PRR16: variants seen among roughly 807,000 people sequenced by gnomAD.
PRR16 encodes the protein proline rich 16, also known as protein Largen.
PRR16 carries 6 observed loss-of-function variants against 18.2 expected under a neutral mutation model. That is an observed-to-expected ratio of 0.33 (90% CI 0.18 to 0.65). The LOEUF (loss-of-function observed/expected upper bound fraction) is 0.65. Ranked by LOEUF, PRR16 falls within the 30% of genes least tolerant of loss-of-function variation. The pLI, the probability that PRR16 is intolerant of heterozygous loss-of-function variation, is 0.74. For synonymous variants in PRR16, 151 were observed against 147.8 expected, an observed-to-expected ratio of 1.02 and a Z score of -0.16; for missense variants, 412 against 376.6, an observed-to-expected ratio of 1.09 and a Z score of -0.78.
intron 1 of PRR16, among the ~76,000 whole-genome samples, chr5:120,634,376 G>T (rs1121237): frequency 6.6e-6 from 1 of 152,174 alleles, no homozygotes; most frequent in Non-Finnish European, 1.5e-5. Context: ...GGGCATGGTG[G>T]TTCATGCTGG....
At chr5:120,673,601 A>G (rs1018380533) in intron 1 of PRR16, among the ~76,000 whole-genome samples, 5 of 152,134 alleles carry the variant, frequency 3.3e-5, no homozygotes, top group Non-Finnish European at 5.9e-5. Context: ...TGGGCTGTCT[A>G]TATACTATCT....
chr5:120,767,092 CAG>C, the PRR16 span, among the ~76,000 whole-genome samples: 1 of 151,892 alleles, frequency 6.6e-6, no homozygotes, highest in Non-Finnish European at 1.5e-5. Context: ...ATTTTGGGAA[CAG>C]ATGGTCACAA....
At chr5:120,465,047 C>A (rs891533714) in intron 1 of PRR16, among the ~76,000 whole-genome samples, 1 of 152,094 alleles carries the variant, frequency 6.6e-6, no homozygotes, top group African/African-American at 2.4e-5. Flanking sequence ...TTGGCAAGTC[C>A]GCTGCCTATC....
At chr5:120,576,510 G>A (rs576097353) in intron 1 of PRR16, among the ~76,000 whole-genome samples, 1 of 152,122 alleles carries the variant, frequency 6.6e-6, no homozygotes, top group African/African-American at 2.4e-5. Flanking sequence ...TAAAATTAAA[G>A]ATAACAGGTG....
At chr5:120,472,070 A>G (rs1046156057) in intron 1 of PRR16, among the ~76,000 whole-genome samples, 2 of 152,130 alleles carry the variant, frequency 1.3e-5, no homozygotes, top group Admixed American at 6.6e-5. Context: ...CTACTTTGCA[A>G]ATGCTGCTTC....
intron 1 of PRR16, among the ~76,000 whole-genome samples, chr5:120,613,953 A>G (rs567913638): frequency 6.6e-6 from 1 of 152,310 alleles, no homozygotes; most frequent in Non-Finnish European, 1.5e-5. Context: ...CTCTGAAGGA[A>G]CTTTTAATGT....
At chr5:120,763,923 A>T in the PRR16 span, among the ~76,000 whole-genome samples, 24 of 152,080 alleles carry the variant, frequency 1.6e-4, no homozygotes, top group Admixed American at 1.6e-3. Flanking sequence ...CTGAGACTTT[A>T]CTGAATTTGC....
At chr5:120,697,665 G>A in the PRR16 span, among the ~76,000 whole-genome samples, 1 of 152,108 alleles carries the variant, frequency 6.6e-6, no homozygotes, top group African/African-American at 2.4e-5. Flanking sequence ...GGAGATAAGG[G>A]TGGGGCCGTT....
intron 1 of PRR16, among the ~76,000 whole-genome samples, chr5:120,680,779 C>T (rs1341352262): frequency 6.6e-6 from 1 of 152,154 alleles, no homozygotes; most frequent in African/African-American, 2.4e-5. Context: ...TTTGCATGAC[C>T]TCAATTACTA....
At chr5:120,695,899 TA>T in the PRR16 span, among the ~76,000 whole-genome samples, 12 of 146,614 alleles carry the variant, frequency 8.2e-5, no homozygotes, top group African/African-American at 1.3e-4. Context: ...TCATAACTTG[TA>T]AAAAAAAATC....
intron 1 of PRR16, among the ~76,000 whole-genome samples, chr5:120,548,639 G>C (rs989950881): frequency 2.6e-5 from 4 of 151,918 alleles, no homozygotes; most frequent in Admixed American, 2.6e-4. Flanking sequence ...CTCAAGTTTT[G>C]TGCTTGTTCT....
At chr5:120,680,509 T>C (rs75127865) in intron 1 of PRR16, among the ~76,000 whole-genome samples, 2,007 of 152,288 alleles carry the variant, frequency 0.013, 54 homozygotes, top group African/African-American at 0.045. Context: ...AGGAATATCC[T>C]TGTGTATTTC....
At chr5:120,772,866 C>G in the PRR16 span, among the ~76,000 whole-genome samples, 1 of 152,064 alleles carries the variant, frequency 6.6e-6, no homozygotes, top group Non-Finnish European at 1.5e-5. Flanking sequence ...ATACAGTTTT[C>G]ACATGAAGAT....
At chr5:120,736,113 G>A in the PRR16 span, among the ~76,000 whole-genome samples, 2 of 152,194 alleles carry the variant, frequency 1.3e-5, no homozygotes, top group Non-Finnish European at 2.9e-5. Flanking sequence ...CCTTGTCAAA[G>A]ATCATTTGAC....
At chr5:120,763,190 A>T in the PRR16 span, among the ~76,000 whole-genome samples, 1 of 151,952 alleles carries the variant, frequency 6.6e-6, no homozygotes, top group Non-Finnish European at 1.5e-5. Flanking sequence ...TCTGTCACCC[A>T]GGCTGGAGTT....
At chr5:120,695,946 TA>T in the PRR16 span, among the ~76,000 whole-genome samples, 7 of 152,064 alleles carry the variant, frequency 4.6e-5, no homozygotes, top group Admixed American at 1.3e-4. Flanking sequence ...TGTATATATA[TA>T]TATATATAAA....
At chr5:120,562,256 T>G (rs1021240237) in intron 1 of PRR16, among the ~76,000 whole-genome samples, 1 of 152,144 alleles carries the variant, frequency 6.6e-6, no homozygotes, top group Non-Finnish European at 1.5e-5. Context: ...TTTTAAATAT[T>G]TTTTTCTTGA....
At chr5:120,569,610 G>A (rs1752841970) in intron 1 of PRR16, among the ~76,000 whole-genome samples, 4 of 152,114 alleles carry the variant, frequency 2.6e-5, no homozygotes, top group Admixed American at 2.6e-4. Context: ...CCATTAAACA[G>A]AAGACTCTTT....
intron 1 of PRR16, among the ~76,000 whole-genome samples, chr5:120,521,060 G>A (rs535882655): frequency 1.3e-5 from 2 of 152,256 alleles, no homozygotes; most frequent in African/African-American, 4.8e-5. Flanking sequence ...GGTGGATACA[G>A]TCAATTCTAG....
Sources: gnomAD v4.1 joint callset for allele counts (sites outside exome capture counted in the v4.1 genomes callset) on GRCh38, gnomAD v4.1.1 for gene constraint, MANE v1.5 for transcripts, NCBI Gene and HGNC (gene_info 2026-07-23, HGNC 2026-07-21) for gene names.